The following TTBK2 variants were observed in gnomAD, a reference collection of about 807,000 sequenced individuals.
TTBK2 encodes the protein tau tubulin kinase 2.
In TTBK2, 28 loss-of-function variants were observed where a neutral mutation model predicts 110.8. The ratio of observed to expected loss-of-function variants is 0.25; its 90% CI spans 0.19 to 0.35. TTBK2 has a LOEUF of 0.35. Among genes scored for constraint, TTBK2 ranks in the 10% least tolerant of loss-of-function variants. TTBK2 has a pLI of 1.00. For synonymous variants in TTBK2, 532 were observed against 527.3 expected (o/e 1.01, Z -0.12); for missense variants, 1,369 against 1,500.3 (o/e 0.91, Z 1.45).
intron 1 of TTBK2, among the ~76,000 whole-genome samples, chr15:42,885,254 C>G (rs561670278): frequency 6.6e-6 from 1 of 152,148 alleles, no homozygotes; most frequent in Admixed American, 6.5e-5. Context: ...ACCCTCACTC[C>G]GTGAAGAGAT....
intron 12 of TTBK2, among the ~76,000 whole-genome samples, chr15:42,776,700 C>G (rs1889939597): frequency 6.6e-6 from 1 of 152,222 alleles, no homozygotes; most frequent in Non-Finnish European, 1.5e-5. Context: ...CAGCACTACA[C>G]TGTTGTGTGG....
chr15:42,881,965 A>G (rs987072631), intron 1 of TTBK2, among the ~76,000 whole-genome samples: 2 of 152,164 alleles, frequency 1.3e-5, no homozygotes, highest in Non-Finnish European at 2.9e-5. Context: ...GCAGTGTCAG[A>G]GTAAAGAGTC....
At chr15:42,777,743 G>C (rs1889996852) in intron 11 of TTBK2, among the ~76,000 whole-genome samples, 1 of 152,218 alleles carries the variant, frequency 6.6e-6, no homozygotes, top group Admixed American at 6.5e-5. Context: ...GAAGGAGGAT[G>C]ACTGTGAGGC....
intron 3 of TTBK2, among the ~76,000 whole-genome samples, chr15:42,862,182 G>A (rs1894183647): frequency 6.6e-6 from 1 of 151,836 alleles, no homozygotes. Flanking sequence ...CAATCCGACT[G>A]AAACTATTTA....
intron 11 of TTBK2, among the ~76,000 whole-genome samples, chr15:42,781,520 C>T (rs1029831965): frequency 6.6e-6 from 1 of 152,110 alleles, no homozygotes; most frequent in African/African-American, 2.4e-5. Flanking sequence ...TAGTGCTATA[C>T]ATTTCTCTCT....
intron 3 of TTBK2, among the ~76,000 whole-genome samples, chr15:42,868,038 G>A (rs752907894): frequency 6.6e-5 from 10 of 152,182 alleles, no homozygotes; most frequent in Non-Finnish European, 1.0e-4. Context: ...GAAGCCAATA[G>A]TGTATGATTC....
chr15:42,848,681 G>A (rs964762583), intron 3 of TTBK2, among the ~76,000 whole-genome samples: 3 of 151,950 alleles, frequency 2.0e-5, no homozygotes, highest in African/African-American at 7.2e-5. Context: ...GTAGAGACGG[G>A]GTTTCTCCAT....
At chr15:42,780,913 G>A (rs1167853854) in intron 11 of TTBK2, among the ~76,000 whole-genome samples, 4 of 152,102 alleles carry the variant, frequency 2.6e-5, no homozygotes, top group South Asian at 2.1e-4. Context: ...GCAGTGAGCC[G>A]AGATCATGTC....
chr15:42,892,028 G>C (rs761768379), intron 1 of TTBK2, among the ~76,000 whole-genome samples: 1 of 152,158 alleles, frequency 6.6e-6, no homozygotes, highest in Non-Finnish European at 1.5e-5. Flanking sequence ...CCCAACAAAA[G>C]TGGAATACAC....
At position 42,775,635 on chromosome 15, in the gene TTBK2, G is replaced by T. The variant is rs577577749; in HGVS notation, c.1498C>A (p.Arg500Ser). ...TCATAGTGCCAGATGTGGTCAGTACGGGACACAGCAGGAACGCAAGGCTTA... is the reference window on the plus strand; with the variant it reads ...TCATAGTGCCAGATGTGGTCAGTACTGGACACAGCAGGAACGCAAGGCTTA... ...LHKPCVPAVSRTDHIWHYDEE... is the reference protein window; with the variant it reads ...LHKPCVPAVSSTDHIWHYDEE... Residue 500 changes from arginine to serine, a missense_variant, in exon 13 of 15, where the codon CGT becomes AGT. Arg to Ser is a moderately radical substitution (Grantham distance 110, BLOSUM62 -1). This residue lies in a region of TTBK2 where 1,097 missense variants were observed against 1,114.7 expected (regional missense o/e 0.98). Coordinates refer to ENST00000267890, the MANE Select transcript of TTBK2 (RefSeq NM_173500.4). 1 of 1,613,510 alleles carries T rather than the reference G, an allele frequency of 6.2e-7. No homozygotes were observed.
chr15:42,765,070 G>T (rs1461609000), intron 13 of TTBK2, among the ~76,000 whole-genome samples: 1 of 152,182 alleles, frequency 6.6e-6, no homozygotes, highest in African/African-American at 2.4e-5. Flanking sequence ...CTAACAAACA[G>T]AAAGGACATC....
intron 9 of TTBK2, among the ~76,000 whole-genome samples, chr15:42,796,350 A>C (rs1022943797): frequency 1.3e-5 from 2 of 152,152 alleles, no homozygotes; most frequent in Admixed American, 6.5e-5. Flanking sequence ...CAGTGAGCCA[A>C]GATTGTGCCA....
chr15:42,811,762 C>T lies in TTBK2; in HGVS notation c.622G>A (p.Asp208Asn). ...AACATGTAGAATAAGGACCAAAGGT[C>T]ATCATGTCTTCCCATTTCCTTCATA... The part of the protein sequence containing the change: ...HRNREMGRHD[D>N]LWSLFYMLVE... The change falls in exon 8 of 15, where the codon GAC becomes AAC. Residue 208 changes from aspartate (D) to asparagine (N), a missense_variant. Transcript: ENST00000267890. The T allele has an allele frequency of 6.2e-7, 1 of 1,613,596 alleles. No homozygotes were observed. Among genetic ancestry groups the T allele is most frequent in the Non-Finnish European group, 8.5e-7 (1 of 1,179,702 alleles).
intron 8 of TTBK2, among the ~76,000 whole-genome samples, chr15:42,810,992 T>C (rs1891696359): frequency 6.6e-6 from 1 of 152,156 alleles, no homozygotes. Flanking sequence ...AAAAATAATT[T>C]ATTTATTTAG....
rs1327628970 is a variant in TTBK2 at position 42,741,257 on chromosome 15, G to A, written c.*4538C>T. 6.6e-6 allele frequency: 1 copy of A among 152,240 alleles called. No homozygotes were observed. Among genetic ancestry groups the A allele is most frequent in the Non-Finnish European group, 1.5e-5 (1 of 68,038 alleles). The allele number at this position is 152,240 out of a possible 1,614,324, so 9.4% of individuals were successfully genotyped here. ...AGTAGGATGTCCCAACACCCTCTGA[G>A]GGTTTTCATGCATTAATCCCGCCAT... On this transcript the variant is annotated 3_prime_UTR_variant, in exon 15 of 15. Transcript: ENST00000267890.
intron 3 of TTBK2, among the ~76,000 whole-genome samples, chr15:42,867,245 CAA>C (rs199562887): frequency 1.1e-4 from 7 of 63,568 alleles, no homozygotes; most frequent in Admixed American, 1.8e-4. Flanking sequence ...GACTCCGTCT[CAA>C]AAAAAAAAAA....
chr15:42,776,078 C>T (rs907478844), intron 12 of TTBK2, among the ~76,000 whole-genome samples: 1 of 152,130 alleles, frequency 6.6e-6, no homozygotes, highest in African/African-American at 2.4e-5. Flanking sequence ...ATCGTGTGAG[C>T]GTGTAGACAT....
At chr15:42,831,865 A>T (rs1892774042) in intron 4 of TTBK2, among the ~76,000 whole-genome samples, 1 of 152,206 alleles carries the variant, frequency 6.6e-6, no homozygotes, top group East Asian at 1.9e-4. Flanking sequence ...ATTTTATAAT[A>T]TATCTTTAGG....
intron 3 of TTBK2, among the ~76,000 whole-genome samples, chr15:42,864,584 CA>C (rs796529603): frequency 6.8e-6 from 1 of 147,040 alleles, no homozygotes; most frequent in African/African-American, 2.5e-5. Context: ...AACTCCATCT[CA>C]AAAAAAAAGA....
Sources: allele counts gnomAD v4.1 joint callset (sites outside exome capture counted in the v4.1 genomes callset), GRCh38; gene constraint gnomAD v4.1.1; regional missense constraint gnomAD v4.1.1; transcripts MANE v1.5; gene names NCBI Gene and HGNC (gene_info 2026-07-23, HGNC 2026-07-21).